The following FSTL5 variants were observed in gnomAD, a reference collection of about 807,000 sequenced individuals.
The protein encoded by FSTL5 is follistatin-related protein 5.
In FSTL5, 62 loss-of-function variants were observed where a neutral mutation model predicts 89.1. The observed-to-expected ratio is 0.70, with a 90% CI of 0.57 to 0.86. FSTL5 has a LOEUF of 0.86. Ranked by LOEUF, FSTL5 falls within the 40% of genes least tolerant of loss-of-function variation. The pLI is 0.00. For synonymous variants in FSTL5, 383 were observed against 346.2 expected (o/e 1.11, Z -1.18); for missense variants, 1,057 against 1,001.6 (o/e 1.06, Z -0.75).
chr4:162,059,893 ATCTT>A (rs1188395967), intron 2 of FSTL5, among the ~76,000 whole-genome samples: 1 of 152,138 alleles, frequency 6.6e-6, no homozygotes, highest in Non-Finnish European at 1.5e-5. Context: ...TCTGGAAAAA[ATCTT>A]TCAGAATTTC....
intron 2 of FSTL5, among the ~76,000 whole-genome samples, chr4:162,061,966 C>T (rs1738732041): frequency 6.6e-6 from 1 of 151,998 alleles, no homozygotes; most frequent in Non-Finnish European, 1.5e-5. Context: ...CTAAGAGCAT[C>T]TCTCTTAATA....
chr4:161,389,525 G>T (rs187968499), intron 15 of FSTL5, among the ~76,000 whole-genome samples: 68 of 152,234 alleles, frequency 4.5e-4, no homozygotes, highest in Admixed American at 9.2e-4. Flanking sequence ...TTTAAGCTAA[G>T]ATCCTGAAAT....
intron 3 of FSTL5, among the ~76,000 whole-genome samples, chr4:161,944,590 C>T (rs1207995364): frequency 1.3e-5 from 2 of 151,692 alleles, no homozygotes; most frequent in South Asian, 2.1e-4. Flanking sequence ...TAGAGTTGTA[C>T]AGAGAAATTG....
At chr4:162,079,429 A>G (rs972779072) in intron 2 of FSTL5, among the ~76,000 whole-genome samples, 1 of 151,680 alleles carries the variant, frequency 6.6e-6, no homozygotes, top group African/African-American at 2.4e-5. Context: ...AAAGAAAGAC[A>G]TGGGAAAATG....
chr4:161,781,410 T>C (rs1038512399), intron 4 of FSTL5, among the ~76,000 whole-genome samples: 4 of 152,094 alleles, frequency 2.6e-5, no homozygotes, highest in African/African-American at 4.8e-5. Context: ...ATTGTGTTTT[T>C]TGAACTTTAC....
chr4:161,773,173 G>A (rs914853214), intron 5 of FSTL5, among the ~76,000 whole-genome samples: 6 of 151,960 alleles, frequency 3.9e-5, no homozygotes, highest in South Asian at 2.1e-4. Context: ...TCCTCATCTC[G>A]CACCTATACA....
At chr4:161,828,692 T>G (rs1730744529) in intron 4 of FSTL5, among the ~76,000 whole-genome samples, 1 of 152,194 alleles carries the variant, frequency 6.6e-6, no homozygotes, top group African/African-American at 2.4e-5. Flanking sequence ...TATCATTAAC[T>G]TAGGCTAAGA....
chr4:162,084,670 G>A (rs1007640981), intron 2 of FSTL5, among the ~76,000 whole-genome samples: 9 of 151,938 alleles, frequency 5.9e-5, no homozygotes, highest in African/African-American at 2.2e-4. Context: ...GAGTAACACG[G>A]GAACAGAAAA....
At chr4:161,573,135 C>T (rs373851913) in intron 8 of FSTL5, among the ~76,000 whole-genome samples, 32 of 152,184 alleles carry the variant, frequency 2.1e-4, no homozygotes, top group African/African-American at 7.0e-4. Context: ...TTTGGTCAGG[C>T]GTGGTGGCCC....
intron 3 of FSTL5, among the ~76,000 whole-genome samples, chr4:162,024,171 A>G (rs1483565): frequency 1 from 151,991 of 152,298 alleles, 75,842 homozygotes; most frequent in Non-Finnish European, 1. Context: ...TAACACTTCT[A>G]AAGCAATACT....
At chr4:161,415,502 G>T (rs908105263) in intron 15 of FSTL5, among the ~76,000 whole-genome samples, 1 of 151,904 alleles carries the variant, frequency 6.6e-6, no homozygotes, top group African/African-American at 2.4e-5. Context: ...TGATCCACCC[G>T]CATCAACCTC....
intron 3 of FSTL5, among the ~76,000 whole-genome samples, chr4:161,957,159 G>C (rs952164907): frequency 6.6e-6 from 1 of 151,798 alleles, no homozygotes; most frequent in African/African-American, 2.4e-5. Flanking sequence ...TTAAAACCCT[G>C]AAAATACATG....
rs1044685134 is a variant in FSTL5, at chr4:162,143,967, A to G, written c.-17+19648T>C. On this transcript the variant is annotated intron_variant, in intron 1 of 15. Coordinates refer to ENST00000306100, the MANE Select transcript of FSTL5 (RefSeq NM_020116.5). ...TGATAATGCATATTTTAGAGTCAAA[A>G]TTATTTACTAAAAAAGCTCAAGATA... is the stretch of plus-strand genomic sequence containing the variant. 5.9e-5 allele frequency among the ~76,000 whole-genome samples: 9 copies of G among 152,256 alleles called. No individual in the cohort carries two copies. In the East Asian group the frequency reaches 1.5e-3, roughly 26 times the overall value.
intron 3 of FSTL5, among the ~76,000 whole-genome samples, chr4:162,000,464 G>T (rs1736428540): frequency 6.6e-6 from 1 of 151,844 alleles, no homozygotes; most frequent in East Asian, 1.9e-4. Flanking sequence ...CGGGCGTGGT[G>T]GCAGGCGCCT....
At chr4:161,592,014 C>G (rs1353790296) in intron 7 of FSTL5, among the ~76,000 whole-genome samples, 4 of 151,892 alleles carry the variant, frequency 2.6e-5, no homozygotes, top group Admixed American at 1.3e-4. Flanking sequence ...GGGATAAAGA[C>G]AGGAAAAGGG....
intron 7 of FSTL5, among the ~76,000 whole-genome samples, chr4:161,611,503 T>C (rs1734651161): frequency 6.6e-6 from 1 of 151,978 alleles, no homozygotes; most frequent in South Asian, 2.1e-4. Context: ...TGTTTTCATT[T>C]ATGCATGAAG....
chr4:161,805,148 T>C (rs577491931), intron 4 of FSTL5, among the ~76,000 whole-genome samples: 66 of 152,232 alleles, frequency 4.3e-4, no homozygotes, highest in African/African-American at 1.5e-3. Context: ...TGTCAATAGC[T>C]ACTTTCTTTA....
At chr4:161,539,112 T>C (rs542010626) in intron 9 of FSTL5, among the ~76,000 whole-genome samples, 1 of 152,158 alleles carries the variant, frequency 6.6e-6, no homozygotes, top group African/African-American at 2.4e-5. Context: ...AAGTTTCTCT[T>C]TCCTTTCTTT....
chr4:161,982,343 T>C (rs1735848377), intron 3 of FSTL5, among the ~76,000 whole-genome samples: 1 of 152,138 alleles, frequency 6.6e-6, no homozygotes, highest in Non-Finnish European at 1.5e-5. Flanking sequence ...TCATAGGAAA[T>C]TGAAACCAAA....
Sources: gnomAD v4.1 joint callset for allele counts (sites outside exome capture counted in the v4.1 genomes callset) on GRCh38, gnomAD v4.1.1 for gene constraint, MANE v1.5 for transcripts, NCBI Gene and HGNC (gene_info 2026-07-23, HGNC 2026-07-21) for gene names.